The following ADAM2 variants were observed in gnomAD, a reference collection of about 807,000 sequenced individuals.
ADAM2 encodes disintegrin and metalloproteinase domain-containing protein 2.
A neutral mutation model predicts 99.3 loss-of-function variants in ADAM2; 101 were observed. The ratio of observed to expected loss-of-function variants is 1.02; its 90% CI spans 0.87 to 1.20. ADAM2 has a LOEUF of 1.20. Among genes scored for constraint, ADAM2 ranks in the 50% most tolerant of loss-of-function variants. The pLI, the probability that ADAM2 is intolerant of heterozygous loss-of-function variation, is 0.00. For missense variants in ADAM2, 948 were observed against 878.7 expected, an observed-to-expected ratio of 1.08 and a Z score of -1.00; for synonymous variants, 323 against 287.6, an observed-to-expected ratio of 1.12 and a Z score of -1.25.
At chr8:39,762,071 G>A (rs1257242114) in intron 14 of ADAM2, among the ~76,000 whole-genome samples, 4 of 152,174 alleles carry the variant, frequency 2.6e-5, no homozygotes, top group Non-Finnish European at 4.4e-5. Flanking sequence ...GCGACAGAGC[G>A]AGACTGCGTC....
At chr8:39,772,603 T>C (rs1802827715) in intron 11 of ADAM2, among the ~76,000 whole-genome samples, 1 of 152,048 alleles carries the variant, frequency 6.6e-6, no homozygotes, top group South Asian at 2.1e-4. Context: ...CATTATTCCT[T>C]TGTGTTTTCT....
chr8:39,747,683 C>T (rs554155716), intron 18 of ADAM2, among the ~76,000 whole-genome samples: 1 of 152,196 alleles, frequency 6.6e-6, no homozygotes, highest in Non-Finnish European at 1.5e-5. Flanking sequence ...CCAATAAAAT[C>T]CTTGCTTGGA....
At chr8:39,775,035 A>G (rs1455622549) in intron 11 of ADAM2, among the ~76,000 whole-genome samples, 4 of 152,064 alleles carry the variant, frequency 2.6e-5, no homozygotes, top group South Asian at 2.1e-4. Flanking sequence ...ATCAGCATGT[A>G]TTATTGAGAT....
intron 3 of ADAM2, among the ~76,000 whole-genome samples, chr8:39,825,232 C>T (rs1196766787): frequency 6.6e-6 from 1 of 152,144 alleles, no homozygotes; most frequent in Non-Finnish European, 1.5e-5. Flanking sequence ...CATCAACTTC[C>T]CACTGAGGTT....
rs184680336 is a variant in ADAM2, at chr8:39,749,778, A to C, written c.1798-34T>G. 182 of 1,555,240 alleles carry C rather than the reference A, an allele frequency of 1.2e-4. No individual in the cohort carries two copies. The East Asian group carries it at 4.1e-3, about 35-fold the overall frequency. ...GATGAGCAAAAATAAGTTAATTGAC[A>C]TGCCATCTAGAGTTGCCATTTAATT... On this transcript the variant is annotated intron_variant, in intron 16 of 20. Coordinates refer to ENST00000265708, the MANE Select transcript of ADAM2 (RefSeq NM_001464.5).
chr8:39,783,974 A>G (rs1398009640), intron 10 of ADAM2, among the ~76,000 whole-genome samples: 3 of 152,098 alleles, frequency 2.0e-5, no homozygotes. Context: ...TAAGTGAAAA[A>G]TCATATGCTG....
chr8:39,763,640 T>TA (rs1157157808), intron 14 of ADAM2, among the ~76,000 whole-genome samples: 1 of 152,076 alleles, frequency 6.6e-6, no homozygotes, highest in African/African-American at 2.4e-5. Context: ...TAGGCTCCAA[T>TA]AAAGGGAGTT....
intron 10 of ADAM2, among the ~76,000 whole-genome samples, chr8:39,783,566 C>G (rs548093118): frequency 6.6e-6 from 1 of 152,134 alleles, no homozygotes; most frequent in Admixed American, 6.5e-5. Context: ...ACTCCAAATT[C>G]TTATGCTGAA....
In ADAM2 at chr8:39,832,756, A is replaced by G. The variant is rs182722569; in HGVS notation, c.188+1188T>C. On this transcript the variant is annotated intron_variant, in intron 3 of 20. Coordinates refer to ENST00000265708, the MANE Select transcript of ADAM2 (RefSeq NM_001464.5). ...CACTGAGGATATGGTTACTATTCAA[A>G]AGATTTTTTTATTTTAGTATGTGAT... Among the ~76,000 whole-genome samples, 138 of 152,216 alleles carry G rather than the reference A, an allele frequency of 9.1e-4. 2 individuals are homozygous for G. The highest frequency in any genetic ancestry group is 7.5e-3 in the South Asian group (36 of 4,826).
chr8:39,778,629 G>A (rs1466559286), intron 10 of ADAM2, among the ~76,000 whole-genome samples: 1 of 151,942 alleles, frequency 6.6e-6, no homozygotes, highest in Non-Finnish European at 1.5e-5. Flanking sequence ...CATTTTAAAT[G>A]TATCATCTGC....
chr8:39,802,491 T>A (rs1480622995), intron 7 of ADAM2, among the ~76,000 whole-genome samples: 1 of 152,192 alleles, frequency 6.6e-6, no homozygotes, highest in Non-Finnish European at 1.5e-5. Flanking sequence ...GTTACCCACC[T>A]ATAAACTGAA....
Position 39,769,379 on chromosome 8 carries a change from A to C in ADAM2, c.1212+13T>G. ...TGCAATTTCAGTGCGTAGTCTTCCG[A>C]ATTAGTACCAACCTGTTCAGTCCCA... is the stretch of plus-strand genomic sequence containing the variant. On this transcript the variant is annotated intron_variant, in intron 12 of 20. Coordinates refer to ENST00000265708, the MANE Select transcript of ADAM2 (RefSeq NM_001464.5). 6.3e-7 allele frequency: 1 copy of C among 1,595,010 alleles called. No homozygotes were observed.
At chr8:39,815,359 C>A (rs1176545969) in intron 6 of ADAM2, among the ~76,000 whole-genome samples, 1 of 151,962 alleles carries the variant, frequency 6.6e-6, no homozygotes, top group Non-Finnish European at 1.5e-5. Context: ...GTTATAGGAT[C>A]TTTCTGTTTA....
intron 16 of ADAM2, among the ~76,000 whole-genome samples, 155 bp from the exon 17 acceptor site, chr8:39,749,899 T>A (rs999066086): frequency 2.0e-5 from 3 of 152,142 alleles, no homozygotes; most frequent in African/African-American, 7.2e-5. Flanking sequence ...ATAGTTAATG[T>A]ATTGAGCTAC....
rs1802279443 is a variant in ADAM2 at position 39,759,757 on chromosome 8, G to A, written c.1613+1419C>T. 2.0e-5 allele frequency among the ~76,000 whole-genome samples: 3 copies of A among 152,218 alleles called. 1 individual carries two copies. Among genetic ancestry groups the A allele is most frequent in the South Asian group, 4.1e-4 (2 of 4,824 alleles). Reference sequence around the variant, plus strand: ...TATGGGAATTCCTTGCACTATTCACGAAAACTATAAAGTTTATTACAGAAG... The same window carrying A: ...TATGGGAATTCCTTGCACTATTCACAAAAACTATAAAGTTTATTACAGAAG... On this transcript the variant is annotated intron_variant, in intron 15 of 20. Coordinates refer to ENST00000265708, the MANE Select transcript of ADAM2 (RefSeq NM_001464.5).
At chr8:39,823,418 AAC>A (rs1289282495) in intron 4 of ADAM2, among the ~76,000 whole-genome samples, 2 of 152,178 alleles carry the variant, frequency 1.3e-5, no homozygotes, top group Non-Finnish European at 2.9e-5. Context: ...AACCTTGGCA[AAC>A]ACAATTTATT....
chr8:39,769,920 GA>G (rs1802712772), intron 11 of ADAM2, among the ~76,000 whole-genome samples: 1 of 150,708 alleles, frequency 6.6e-6, no homozygotes, highest in Admixed American at 6.6e-5. Context: ...TATTAATAAA[GA>G]AAACAGGCTT....
chr8:39,824,767 G>A (rs1805332234), intron 4 of ADAM2, 52 bp downstream of exon 4: 30 of 923,448 alleles, frequency 3.2e-5, no homozygotes, highest in Non-Finnish European at 5.1e-5. Context: ...ACTAAATAAG[G>A]TGATCATAGA....
At chr8:39,774,164 C>T (rs561892061) in intron 11 of ADAM2, among the ~76,000 whole-genome samples, 1 of 151,950 alleles carries the variant, frequency 6.6e-6, no homozygotes, top group South Asian at 2.1e-4. Flanking sequence ...GGTTACAAAG[C>T]TTTCTCAATC....
Sources: allele counts gnomAD v4.1 joint callset (sites outside exome capture counted in the v4.1 genomes callset), GRCh38; gene constraint gnomAD v4.1.1; transcripts MANE v1.5; gene names NCBI Gene and HGNC (gene_info 2026-07-23, HGNC 2026-07-21).